KLHDC7B: variants seen among roughly 807,000 people sequenced by gnomAD.
KLHDC7B encodes the protein kelch domain-containing protein 7B.
Under a neutral mutation model 0.6 loss-of-function variants are expected in KLHDC7B, and 1 was observed. That is an observed-to-expected ratio of 1.71 (90% CI 0.61 to 8.11). KLHDC7B has a LOEUF of 8.11. Ranked by LOEUF, KLHDC7B falls within the 30% of genes most tolerant of loss-of-function variation. The pLI is 0.13. For synonymous variants in KLHDC7B, 462 were observed against 405.2 expected (o/e 1.14, Z -1.68); for missense variants, 993 against 894.9 (o/e 1.11, Z -1.40).
At position 50,550,104 on chromosome 22, in the gene KLHDC7B, A is replaced by G; in HGVS notation, c.*153A>G. On this transcript the variant is annotated 3_prime_UTR_variant, in exon 1 of 1. Coordinates refer to ENST00000648057, the MANE Select transcript of KLHDC7B (RefSeq NM_138433.5). ...TCCCCTTCTGCTTTAAAGGTTGTCG[A>G]TTATTTTGAAGCCCAGACTCCCTCA... The G allele has an allele frequency of 2.5e-6, 2 of 804,570 alleles. No homozygotes were observed. The highest frequency in any genetic ancestry group is 3.8e-6 in the Non-Finnish European group (2 of 528,842). The allele number at this position is 804,570 out of a possible 1,614,324, so 49.8% of individuals were successfully genotyped here.
Position 50,548,084 on chromosome 22 carries a change from G to A in KLHDC7B, c.1841G>A (p.Gly614Glu), listed in dbSNP as rs1001692560. ...TPAASPAPAD[G>E]SKPQESVALP... is the part of the protein sequence containing the mutation. ...GCCGCATCCCCTGCCCCAGCTGACGGGTCAAAGCCTCAGGAGAGTGTGGCT... is the reference window on the plus strand; with the variant it reads ...GCCGCATCCCCTGCCCCAGCTGACGAGTCAAAGCCTCAGGAGAGTGTGGCT... The change falls in exon 1 of 1, where the codon GGG becomes GAG. Residue 614 changes from glycine to glutamate, a missense_variant. Coordinates refer to ENST00000648057, the MANE Select transcript of KLHDC7B (RefSeq NM_138433.5). The surrounding 1 kb of genome is among the most constrained non-coding windows in gnomAD (Gnocchi z 5.3). 4.2e-6 allele frequency: 6 copies of A among 1,415,538 alleles called. No homozygotes were observed. Among genetic ancestry groups the A allele is most frequent in the South Asian group, 1.6e-5 (1 of 64,288 alleles). 87.7% of individuals were successfully genotyped at this position (1,415,538 alleles called of 1,614,324 possible). A position where few individuals can be genotyped will look rare whatever the true frequency, so the allele number is the denominator to read the frequency against.
rs563320737 is a variant in KLHDC7B, at chr22:50,548,228, C to T, written c.1985C>T (p.Ala662Val). ...AGGCCCCAAGGGAGTGTCCCGAGGG[C>T]GGTTCCCGGGAGCCCCGTGGGTCCC... Reference protein sequence around the residue: ...QDRPQGSVPRAVPGSPVGPST... With the variant: ...QDRPQGSVPRVVPGSPVGPST... Residue 662 changes from alanine (A) to valine (V), a missense_variant, in exon 1 of 1, where the codon GCG (alanine) becomes GTG (valine). Coordinates refer to ENST00000648057, the MANE Select transcript of KLHDC7B (RefSeq NM_138433.5). The surrounding 1 kb of genome is among the most constrained non-coding windows in gnomAD (Gnocchi z 5.3). 12 of 1,550,098 alleles carry T rather than the reference C, an allele frequency of 7.7e-6. No homozygotes were observed. The highest frequency in any genetic ancestry group is 1.7e-6 in the Non-Finnish European group (2 of 1,146,438).
At position 50,545,939 on chromosome 22, in the gene KLHDC7B, C is replaced by G. The variant is rs888482006; in HGVS notation, c.-305C>G. Among the ~76,000 whole-genome samples the G allele has an allele frequency of 6.6e-6, 1 of 151,896 alleles. No homozygotes were observed. Among genetic ancestry groups the G allele is most frequent in the Non-Finnish European group, 1.5e-5 (1 of 67,958 alleles). On this transcript the variant is annotated 5_prime_UTR_variant, in exon 1 of 1. Transcript: ENST00000648057. ...GTGATGACAGCACAGAGCTCAGGAACGCTGCCTGAGGACCCTGGGGCCTAC... is the reference window on the plus strand; with the variant it reads ...GTGATGACAGCACAGAGCTCAGGAAGGCTGCCTGAGGACCCTGGGGCCTAC...
Position 50,547,898 on chromosome 22 carries a change from C to G in KLHDC7B, c.1655C>G (p.Thr552Ser), listed in dbSNP as rs2069750114. The G allele has an allele frequency of 3.2e-6, 1 of 313,666 alleles. No homozygotes were observed. The highest frequency in any genetic ancestry group is 5.6e-5 in the Admixed American group (1 of 18,018). 19.4% of individuals were successfully genotyped at this position (313,666 alleles called of 1,614,324 possible). ...TCCCCAGCCCTAACCCCAGTCCCAACCCCAGCCCTAAGCCCAGCTCCAACT... is the reference window on the plus strand; with the variant it reads ...TCCCCAGCCCTAACCCCAGTCCCAAGCCCAGCCCTAAGCCCAGCTCCAACT... ...PPSPALTPVP[T>S]PALSPAPTPA... Residue 552 changes from threonine to serine, a missense_variant, in exon 1 of 1, where the codon ACC becomes AGC. Physicochemically the swap from Thr to Ser is moderately conservative, Grantham distance 58 (BLOSUM62 1). Transcript: ENST00000648057.
chr22:50,549,157 AC>A lies in KLHDC7B; in HGVS notation c.993del (p.Trp332GlyfsTer4). 1 of 1,604,310 alleles carries A rather than the reference AC, an allele frequency of 6.2e-7. No individual in the cohort carries two copies. The highest frequency in any genetic ancestry group is 1.1e-5 in the South Asian group (1 of 91,052). On this transcript the variant is annotated frameshift_variant, in exon 1 of 1. Coordinates refer to the KLHDC7B transcript ENST00000395676. LOFTEE classifies it low-confidence loss of function (END_TRUNC). ...GCATGTGTTCAACCCCCGGGAGAAC[AC>A]CTGGCGGCCCCTGACCCAGGTGCCC...
rs754342653 is a variant in KLHDC7B at position 50,548,487 on chromosome 22, C to G, written c.2244C>G (p.Pro748=). ...CGATGCCCAGGGGCCCCGCACAGCC[C>G]CCCGCGCAGAGGCCGCCTGGCCCCG... ...QAAMPRGPAQ[P]PAQRPPGPAA... The change falls in exon 1 of 1, where the codon CCC becomes CCG. Residue 748 remains proline, a synonymous_variant. Transcript: ENST00000648057. The surrounding 1 kb of genome is among the most constrained non-coding windows in gnomAD (Gnocchi z 5.3). 2 of 1,570,010 alleles carry G rather than the reference C, an allele frequency of 1.3e-6. No homozygotes were observed.
At position 50,549,742 on chromosome 22, in the gene KLHDC7B, C is replaced by CGGGCCG; in HGVS notation, c.3499_3500insGGGCCG (p.Leu1167delinsArgAlaVal). The CGGGCCG allele has an allele frequency of 6.3e-7, 1 of 1,589,256 alleles. No homozygotes were observed. The highest frequency in any genetic ancestry group is 8.5e-7 in the Non-Finnish European group (1 of 1,169,806). On this transcript the variant is annotated protein_altering_variant, in exon 1 of 1. Coordinates refer to ENST00000648057, the MANE Select transcript of KLHDC7B (RefSeq NM_138433.5). ...CTGGAGCAGGGCTGCCTCCCTGCCC[C>CGGGCCG]TGCCCGCCCCCGCCCCACTGCACTG... is the stretch of plus-strand genomic sequence containing the variant.
chr22:50,550,591 C>T lies in KLHDC7B; in HGVS notation c.*640C>T, dbSNP rs2069796582. 6.1e-6 allele frequency: 1 copy of T among 165,078 alleles called. No individual in the cohort carries two copies. Among genetic ancestry groups the T allele is most frequent in the Non-Finnish European group, 1.4e-5 (1 of 69,008 alleles). The allele number at this position is 165,078 out of a possible 1,614,324, so 10.2% of individuals were successfully genotyped here. ...CCAGGCCCACTCCGGGCTCACCACC[C>T]TCTGCAGCCTTGTGGGGCTCTCCCA... On this transcript the variant is annotated 3_prime_UTR_variant, in exon 1 of 1. Coordinates refer to ENST00000648057, the MANE Select transcript of KLHDC7B (RefSeq NM_138433.5).
Position 50,546,468 on chromosome 22 carries a change from C to A in KLHDC7B, c.225C>A (p.Ala75=), listed in dbSNP as rs1271971406. The change falls in exon 1 of 1, where the codon GCC becomes GCA. Residue 75 remains alanine, a synonymous_variant. Coordinates refer to ENST00000648057, the MANE Select transcript of KLHDC7B (RefSeq NM_138433.5). ...QPHQAGGAEL[A]LQPKSKVSDG... ...ATCAGGCAGGAGGAGCTGAGCTGGC[C>A]CTGCAACCGAAGTCTAAGGTCAGTG... is the stretch of plus-strand genomic sequence containing the variant. 14 of 399,282 alleles carry A rather than the reference C, an allele frequency of 3.5e-5. No homozygotes were observed. The highest frequency in any genetic ancestry group is 8.8e-6 in the Non-Finnish European group (2 of 226,380). 24.7% of individuals were successfully genotyped at this position (399,282 alleles called of 1,614,324 possible). A position where few individuals can be genotyped will look rare whatever the true frequency, so the allele number is the denominator to read the frequency against.
At position 50,547,124 on chromosome 22, in the gene KLHDC7B, C is replaced by T; in HGVS notation, c.881C>T (p.Pro294Leu). Among the ~76,000 whole-genome samples, 1 of 151,596 alleles carries T rather than the reference C, an allele frequency of 6.6e-6. No homozygotes were observed. The change falls in exon 1 of 1, where the codon CCC becomes CTC. Residue 294 changes from proline (P) to leucine (L), a missense_variant. Transcript: ENST00000648057. ...CCCGCACTCCCGGCGCTGCCCGCTC[C>T]CCGCGCCCTGCAGCCTGGGTCTCAG... The part of the protein sequence containing the change: ...QEPALPALPA[P>L]RALQPGSQTE...
Position 50,548,282 on chromosome 22 carries a change from A to G in KLHDC7B, c.2039A>G (p.His680Arg), listed in dbSNP as rs1444196100. The stretch of plus-strand genomic sequence containing the variant: ...ACTTCCACACACTCTGAGGACAGAC[A>G]CGGCCCCTCTTCTTCAGTGGGGACA... Reference protein sequence around the residue: ...PSTSTHSEDRHGPSSSVGTVI... With the variant: ...PSTSTHSEDRRGPSSSVGTVI... Residue 680 changes from histidine (H) to arginine (R), a missense_variant, in exon 1 of 1, where the codon CAC becomes CGC. Coordinates refer to ENST00000648057, the MANE Select transcript of KLHDC7B (RefSeq NM_138433.5). The surrounding 1 kb of genome is among the most constrained non-coding windows in gnomAD (Gnocchi z 5.3). The G allele has an allele frequency of 3.9e-6, 6 of 1,550,946 alleles. No homozygotes were observed. The Admixed American group carries it at 1.2e-4, about 30-fold the overall frequency.
At position 50,548,170 on chromosome 22, in the gene KLHDC7B, G is replaced by A. The variant is rs774714208; in HGVS notation, c.1927G>A (p.Val643Ile). The change falls in exon 1 of 1, where the codon GTT becomes ATT. Residue 643 changes from valine (V) to isoleucine (I), a missense_variant. Physicochemically the swap from Val to Ile is conservative, Grantham distance 29. Coordinates refer to ENST00000648057, the MANE Select transcript of KLHDC7B (RefSeq NM_138433.5). This position sits in a 1 kb window ranked among gnomAD's most constrained non-coding sequence, Gnocchi z 5.3. Reference protein sequence around the residue: ...SASWGNLIAMVLRSHPFPRQD... With the variant: ...SASWGNLIAMILRSHPFPRQD... ...CAGCTGGGGAAACCTTATTGCCATG[G>A]TTCTTAGAAGCCACCCCTTCCCCAG... is the stretch of plus-strand genomic sequence containing the variant. 2.0e-6 allele frequency: 3 copies of A among 1,510,734 alleles called. No homozygotes were observed. The Admixed American group carries it at 6.3e-5, about 32-fold the overall frequency. 93.6% of individuals were successfully genotyped at this position (1,510,734 alleles called of 1,614,324 possible).
chr22:50,546,775 C>T lies in KLHDC7B; in HGVS notation c.532C>T (p.His178Tyr), dbSNP rs111528202. Among the ~76,000 whole-genome samples, 2,721 of 152,280 alleles carry T rather than the reference C, an allele frequency of 0.018. 90 individuals are homozygous for T. Among genetic ancestry groups the T allele is most frequent in the African/African-American group, 0.061 (2,533 of 41,574 alleles). The stretch of plus-strand genomic sequence containing the variant: ...GGGGATGTCCGCCCCCCTCCTGATC[C>T]ACTTCACTCCTCGGAGCCCTGGCAG... ...AGGMSAPLLIHFTPRSPGSEA... is the reference protein window; with the variant it reads ...AGGMSAPLLIYFTPRSPGSEA... Residue 178 changes from histidine (H) to tyrosine (Y), a missense_variant, in exon 1 of 1, where the codon CAC becomes TAC. His to Tyr is a moderately conservative substitution (Grantham distance 83). Coordinates refer to ENST00000648057, the MANE Select transcript of KLHDC7B (RefSeq NM_138433.5).
Position 50,547,493 on chromosome 22 carries a change from C to T in KLHDC7B, c.1250C>T (p.Pro417Leu), listed in dbSNP as rs1305324759. ...CCCTCCCGGAGCCGTGAGCCTCGCC[C>T]GCGCTCCGCCTCCCCGCCCGCAGCT... ...RAPSRSREPR[P>L]RSASPPAAPG... Residue 417 changes from proline to leucine, a missense_variant, in exon 1 of 1, where the codon CCG becomes CTG. Coordinates refer to ENST00000648057, the MANE Select transcript of KLHDC7B (RefSeq NM_138433.5). The T allele has an allele frequency of 5.1e-6, 2 of 394,312 alleles. No individual in the cohort carries two copies. Among genetic ancestry groups the T allele is most frequent in the African/African-American group, 2.1e-5 (1 of 48,440 alleles). 24.4% of individuals were successfully genotyped at this position (394,312 alleles called of 1,614,324 possible).
chr22:50,548,674 G>T lies in KLHDC7B; in HGVS notation c.2431G>T (p.Gly811Trp). The change falls in exon 1 of 1, where the codon GGG (glycine) becomes TGG (tryptophan). Residue 811 changes from glycine to tryptophan, a missense_variant. Transcript: ENST00000648057. This position sits in a 1 kb window ranked among gnomAD's most constrained non-coding sequence, Gnocchi z 5.3. ...GEGGSPAGRS[G>W]ALTEKQEEAR... is the part of the protein sequence containing the mutation. ...GGGGGGCAGCCCTGCCGGCCGCAGC[G>T]GGGCGCTCACGGAAAAGCAGGAGGA... is the stretch of plus-strand genomic sequence containing the variant. 6.6e-7 allele frequency: 1 copy of T among 1,520,620 alleles called. No individual in the cohort carries two copies. The allele number at this position is 1,520,620 out of a possible 1,614,324, so 94.2% of individuals were successfully genotyped here. A position where few individuals can be genotyped will look rare whatever the true frequency, so the allele number is the denominator to read the frequency against.
chr22:50,548,313 A>G lies in KLHDC7B; in HGVS notation c.2070A>G (p.Ile690Met), dbSNP rs765185916. Residue 690 changes from isoleucine (I) to methionine (M), a missense_variant, in exon 1 of 1, where the codon ATA (isoleucine) becomes ATG (methionine). By Grantham distance (10) the Ile-to-Met change is conservative (BLOSUM62 1). Coordinates refer to ENST00000648057, the MANE Select transcript of KLHDC7B (RefSeq NM_138433.5). This position sits in a 1 kb window ranked among gnomAD's most constrained non-coding sequence, Gnocchi z 5.3. ...HGPSSSVGTV[I>M]GTGTGGLVEA... ...CCTCTTCTTCAGTGGGGACAGTCAT[A>G]GGGACAGGTACAGGGGGCCTGGTTG... The G allele has an allele frequency of 1.9e-4, 292 of 1,551,056 alleles. No homozygotes were observed. Among genetic ancestry groups the G allele is most frequent in the Middle Eastern group, 1.3e-3 (8 of 5,992 alleles).
At position 50,549,176 on chromosome 22, in the gene KLHDC7B, A is replaced by G; in HGVS notation, c.2933A>G (p.Gln978Arg). ...PRENTWRPLT[Q>R]VPEEAPLRGC... ...GAGAACACCTGGCGGCCCCTGACCC[A>G]GGTGCCCGAGGAGGCCCCGCTTCGG... The change falls in exon 1 of 1, where the codon CAG becomes CGG. Residue 978 changes from glutamine to arginine, a missense_variant. By Grantham distance (43) the Gln-to-Arg change is conservative. Transcript: ENST00000648057. The G allele has an allele frequency of 6.2e-7, 1 of 1,605,432 alleles. No homozygotes were observed. Among genetic ancestry groups the G allele is most frequent in the Non-Finnish European group, 8.5e-7 (1 of 1,179,680 alleles).
chr22:50,550,941 T>C lies in KLHDC7B; in HGVS notation c.*990T>C, dbSNP rs2069801229. ...GCTCCACTCCAACCTCCAGCCTGGA[T>C]GTCCCTGTCTGGGCCCTTTTTCTGT... On this transcript the variant is annotated 3_prime_UTR_variant, in exon 1 of 1. Transcript: ENST00000648057. The C allele has an allele frequency of 6.3e-6, 2 of 315,860 alleles. No individual in the cohort carries two copies. The highest frequency in any genetic ancestry group is 1.3e-5 in the Non-Finnish European group (2 of 155,750). The allele number at this position is 315,860 out of a possible 1,614,324, so 19.6% of individuals were successfully genotyped here. A position where few individuals can be genotyped will look rare whatever the true frequency, so the allele number is the denominator to read the frequency against.
In KLHDC7B at chr22:50,549,779, G is replaced by C. The variant is rs1373725969; in HGVS notation, c.3536G>C (p.Gly1179Ala). ...APAPLHCTTL[G>A]NTIYCLNPQV... ...GCCCCACTGCACTGCACCACCCTGG[G>C]CAACACCATTTACTGCCTCAACCCC... Residue 1179 changes from glycine (G) to alanine (A), a missense_variant, in exon 1 of 1, where the codon GGC becomes GCC. Transcript: ENST00000648057. The C allele has an allele frequency of 6.2e-7, 1 of 1,600,704 alleles. No individual in the cohort carries two copies. The highest frequency in any genetic ancestry group is 8.5e-7 in the Non-Finnish European group (1 of 1,176,712).
Sources: gnomAD v4.1 joint callset for allele counts (sites outside exome capture counted in the v4.1 genomes callset) on GRCh38, gnomAD v4.1.1 for gene constraint, Gnocchi (gnomAD v3.1) non-coding constraint, MANE v1.5 for transcripts, NCBI Gene and HGNC (gene_info 2026-07-23, HGNC 2026-07-21) for gene names.